The following WDPCP variants were observed in gnomAD, a reference collection of about 807,000 sequenced individuals.
The protein encoded by WDPCP is WD repeat containing planar cell polarity effector.
Under a neutral mutation model 93.1 loss-of-function variants are expected in WDPCP, and 71 were observed. That is an observed-to-expected ratio of 0.76 (90% confidence interval 0.63 to 0.93). The LOEUF (loss-of-function observed/expected upper bound fraction) is 0.93, where lower values mean the gene tolerates loss of function less well. Ranked by LOEUF, WDPCP falls within the 40% of genes least tolerant of loss-of-function variation. The pLI is 0.00. For synonymous variants in WDPCP, 315 were observed against 315.0 expected, an observed-to-expected ratio of 1.00 and a Z score of 0.00; for missense variants, 844 against 887.4, an observed-to-expected ratio of 0.95 and a Z score of 0.62.
At chr2:63,195,290 A>ATAAT (rs2104271881) in intron 14 of WDPCP, among the ~76,000 whole-genome samples, 1 of 152,330 alleles carries the variant, frequency 6.6e-6, no homozygotes, top group South Asian at 2.1e-4. Context: ...TCAGGCAACA[A>ATAAT]TAATTACTGA....
chr2:63,241,926 A>G (rs1439749917), intron 14 of WDPCP, among the ~76,000 whole-genome samples: 1 of 152,154 alleles, frequency 6.6e-6, no homozygotes. Context: ...TAGGAAGAAG[A>G]TAACATAAAA....
intron 2 of WDPCP, among the ~76,000 whole-genome samples, chr2:63,665,979 G>A (rs1386193422): frequency 6.6e-6 from 1 of 152,244 alleles, no homozygotes; most frequent in Non-Finnish European, 1.5e-5. Context: ...TGTGGTTTAA[G>A]TCAACAACTG....
chr2:63,554,200 T>C (rs934068706), intron 1 of WDPCP, among the ~76,000 whole-genome samples: 8 of 152,238 alleles, frequency 5.3e-5, no homozygotes, highest in African/African-American at 1.4e-4. Flanking sequence ...AGCTGGTTAC[T>C]TTATAGAAGT....
intron 14 of WDPCP, among the ~76,000 whole-genome samples, chr2:63,243,710 AAGT>A (rs1209791994): frequency 6.6e-6 from 1 of 152,178 alleles, no homozygotes; most frequent in African/African-American, 2.4e-5. Flanking sequence ...TTCATAAAAC[AAGT>A]ACTTCTAGAC....
At chr2:63,729,696 C>T (rs978892159) in intron 2 of WDPCP, among the ~76,000 whole-genome samples, 2 of 152,022 alleles carry the variant, frequency 1.3e-5, no homozygotes, top group African/African-American at 4.8e-5. Flanking sequence ...TGTGGAATAA[C>T]TTTCATCTAT....
At chr2:63,340,172 T>C (rs1191606107) in intron 12 of WDPCP, among the ~76,000 whole-genome samples, 1 of 152,218 alleles carries the variant, frequency 6.6e-6, no homozygotes. Flanking sequence ...CTATCTTTAC[T>C]GGTAGGTCAC....
At chr2:63,737,100 C>A (rs2103842660) in intron 2 of WDPCP, among the ~76,000 whole-genome samples, 1 of 152,302 alleles carries the variant, frequency 6.6e-6, no homozygotes, top group East Asian at 1.9e-4. Context: ...CAAAACAGTT[C>A]TCTTGGCTGC....
chr2:63,796,046 G>A (rs760860887), intron 2 of WDPCP, among the ~76,000 whole-genome samples: 2 of 152,206 alleles, frequency 1.3e-5, no homozygotes, highest in Admixed American at 6.5e-5. Flanking sequence ...GCAATGAGAC[G>A]TGAGAAGGCT....
At position 63,460,721 on chromosome 2, in the gene WDPCP, G is replaced by T. The variant is rs544016137; in HGVS notation, c.385-20850C>A. Among the ~76,000 whole-genome samples the T allele has an allele frequency of 5.9e-5, 9 of 152,070 alleles. No homozygotes were observed. The South Asian group carries it at 1.5e-3, about 25-fold the overall frequency. ...GGCTCACTGCAAGCTCCGCCTCCCA[G>T]GTTCACACCATTCTCCTGCCTCAGC... On this transcript the variant is annotated intron_variant, in intron 6 of 17. Coordinates refer to ENST00000272321, the MANE Select transcript of WDPCP (RefSeq NM_015910.7).
At chr2:63,480,106 G>C (rs1700180997) in intron 6 of WDPCP, among the ~76,000 whole-genome samples, 1 of 151,934 alleles carries the variant, frequency 6.6e-6, no homozygotes. Flanking sequence ...ACCAAGCTGA[G>C]AATAAAATCA....
chr2:63,536,625 T>A (rs1047708995), intron 1 of WDPCP, among the ~76,000 whole-genome samples: 1 of 149,866 alleles, frequency 6.7e-6, no homozygotes, highest in Non-Finnish European at 1.5e-5. Context: ...AAATTAAATA[T>A]AAAAAAAAAT....
At chr2:63,166,448 C>T (rs1017502714) in intron 15 of WDPCP, among the ~76,000 whole-genome samples, 1 of 151,716 alleles carries the variant, frequency 6.6e-6, no homozygotes, top group East Asian at 2.0e-4. Context: ...GCTCTGTCAC[C>T]CAGGCTGGAG....
At chr2:63,415,637 C>A (rs1216933960) in intron 9 of WDPCP, among the ~76,000 whole-genome samples, 1 of 152,144 alleles carries the variant, frequency 6.6e-6, no homozygotes, top group African/African-American at 2.4e-5. Context: ...AAACTAAGAT[C>A]TCTGCAAGAC....
At chr2:63,166,577 G>A (rs1403874250) in intron 15 of WDPCP, among the ~76,000 whole-genome samples, 1 of 151,720 alleles carries the variant, frequency 6.6e-6, no homozygotes, top group Non-Finnish European at 1.5e-5. Context: ...ATTTTTAGTA[G>A]AGACAGGGTT....
At chr2:63,481,468 A>G (rs576853892) in intron 6 of WDPCP, among the ~76,000 whole-genome samples, 6 of 152,256 alleles carry the variant, frequency 3.9e-5, no homozygotes, top group African/African-American at 9.6e-5. Flanking sequence ...ACAATTCGCA[A>G]TTGCAAAAAT....
intron 1 of WDPCP, among the ~76,000 whole-genome samples, chr2:63,561,436 C>T (rs1432362245): frequency 6.6e-6 from 1 of 151,842 alleles, no homozygotes; most frequent in African/African-American, 2.4e-5. Flanking sequence ...CAAGATCATG[C>T]CACTGCACTC....
intron 13 of WDPCP, among the ~76,000 whole-genome samples, chr2:63,308,593 G>A (rs1158401679): frequency 1.3e-5 from 2 of 152,146 alleles, no homozygotes; most frequent in Non-Finnish European, 2.9e-5. Context: ...GTCCTTTGCA[G>A]GGACATGGAT....
intron 17 of WDPCP, among the ~76,000 whole-genome samples, chr2:63,134,097 T>C (rs1670461057): frequency 6.6e-6 from 1 of 152,306 alleles, no homozygotes; most frequent in Admixed American, 6.5e-5. Flanking sequence ...TCTGGTTGTA[T>C]GTGGTTTCCT....
intron 14 of WDPCP, among the ~76,000 whole-genome samples, chr2:63,238,986 C>T (rs1050986317): frequency 6.6e-6 from 1 of 152,140 alleles, no homozygotes; most frequent in African/African-American, 2.4e-5. Context: ...AACATGGTCA[C>T]TGAACATACA....
Sources: allele counts gnomAD v4.1 joint callset (sites outside exome capture counted in the v4.1 genomes callset), GRCh38; gene constraint gnomAD v4.1.1; transcripts MANE v1.5; gene names NCBI Gene and HGNC (gene_info 2026-07-23, HGNC 2026-07-21).